The following PALLD variants were observed in gnomAD, a reference collection of about 807,000 sequenced individuals.
PALLD encodes palladin.
A neutral mutation model predicts 123.5 loss-of-function variants in PALLD; 61 were observed. The observed-to-expected ratio is 0.49, with a 90% CI of 0.40 to 0.61. The LOEUF (loss-of-function observed/expected upper bound fraction) is 0.61, where lower values mean the gene tolerates loss of function less well. PALLD is among the 20% of genes least tolerant of loss of function. The pLI, the probability that PALLD is intolerant of heterozygous loss-of-function variation, is 0.00. For synonymous variants in PALLD, 465 were observed against 496.4 expected (o/e 0.94, Z 0.84); for missense variants, 1,273 against 1,377.0 (o/e 0.92, Z 1.20).
chr4:168,629,337 T>C (rs551986801), intron 2 of PALLD, among the ~76,000 whole-genome samples: 62 of 151,792 alleles, frequency 4.1e-4, no homozygotes, highest in African/African-American at 1.3e-3. Flanking sequence ...TTTTAAGAAA[T>C]AAAGAAAAAG....
chr4:168,595,096 A>G (rs748034333), intron 2 of PALLD, among the ~76,000 whole-genome samples: 1 of 152,184 alleles, frequency 6.6e-6, no homozygotes. Flanking sequence ...TATGGATTAG[A>G]GAAATTGACT....
intron 10 of PALLD, among the ~76,000 whole-genome samples, chr4:168,814,845 A>G (rs1026684781): frequency 6.6e-6 from 1 of 152,182 alleles, no homozygotes; most frequent in Non-Finnish European, 1.5e-5. Flanking sequence ...ACCTCGGCTC[A>G]CTGCAACCTC....
chr4:168,511,886 C>T lies in PALLD; in HGVS notation c.382C>T (p.Leu128Phe), dbSNP rs560402989. ...GAGGAAACCTGCCATGTCACCCCTGCTCACCAGGCCCAGCTACATCCGGAG... is the reference window on the plus strand; with the variant it reads ...GAGGAAACCTGCCATGTCACCCCTGTTCACCAGGCCCAGCTACATCCGGAG... ...SKRKPAMSPL[L>F]TRPSYIRSLR... The change falls in exon 2 of 22, where the codon CTC becomes TTC. Residue 128 changes from leucine to phenylalanine, a missense_variant. Leu to Phe is a conservative substitution (Grantham distance 22). Transcript: ENST00000505667. 1 of 1,614,142 alleles carries T rather than the reference C, an allele frequency of 6.2e-7. No homozygotes were observed. The highest frequency in any genetic ancestry group is 1.3e-5 in the African/African-American group (1 of 75,026).
At chr4:168,639,978 T>G (rs1033018803) in intron 2 of PALLD, among the ~76,000 whole-genome samples, 4 of 152,192 alleles carry the variant, frequency 2.6e-5, no homozygotes, top group African/African-American at 9.7e-5. Flanking sequence ...TCATCTTTAT[T>G]TCTATCTGTT....
intron 10 of PALLD, among the ~76,000 whole-genome samples, chr4:168,747,332 G>C (rs1200193754): frequency 6.6e-6 from 1 of 152,204 alleles, no homozygotes; most frequent in East Asian, 1.9e-4. Context: ...TGCAGGCTAA[G>C]AGTCAGTTTT....
chr4:168,775,806 A>T (rs1735104195), intron 10 of PALLD, among the ~76,000 whole-genome samples: 1 of 152,142 alleles, frequency 6.6e-6, no homozygotes, highest in Non-Finnish European at 1.5e-5. Flanking sequence ...CTTTTCCTCC[A>T]CTAGATTGCC....
At chr4:168,625,244 C>T (rs142210232) in intron 2 of PALLD, among the ~76,000 whole-genome samples, 1 of 151,616 alleles carries the variant, frequency 6.6e-6, no homozygotes, top group East Asian at 1.9e-4. Flanking sequence ...AATATAATGT[C>T]CAGAAATAGA....
chr4:168,892,762 T>G (rs1754337543), intron 11 of PALLD, among the ~76,000 whole-genome samples: 1 of 152,088 alleles, frequency 6.6e-6, no homozygotes, highest in South Asian at 2.1e-4. Context: ...ATGTCAATGT[T>G]CCTTATGAAC....
intron 10 of PALLD, among the ~76,000 whole-genome samples, chr4:168,767,399 A>C (rs1448029604): frequency 1.3e-5 from 2 of 152,242 alleles, no homozygotes; most frequent in African/African-American, 4.8e-5. Context: ...AGTAATGTAG[A>C]AAGCTGAACA....
chr4:168,847,198 T>C (rs909226972), intron 10 of PALLD, among the ~76,000 whole-genome samples: 2 of 152,222 alleles, frequency 1.3e-5, no homozygotes, highest in Non-Finnish European at 2.9e-5. Context: ...CCCAATAATC[T>C]CATTTCTAGA....
chr4:168,678,271 A>G (rs563001770), intron 3 of PALLD, among the ~76,000 whole-genome samples: 39 of 152,092 alleles, frequency 2.6e-4, no homozygotes, highest in African/African-American at 8.2e-4. Context: ...GACATAATTC[A>G]CTTCTTAGTG....
At chr4:168,804,876 C>G (rs13129779) in intron 10 of PALLD, among the ~76,000 whole-genome samples, 2 of 151,906 alleles carry the variant, frequency 1.3e-5, no homozygotes, top group African/African-American at 4.8e-5. Context: ...GTTCCCAAAG[C>G]GAGGCCGGGT....
intron 10 of PALLD, among the ~76,000 whole-genome samples, chr4:168,890,432 G>C (rs940857867): frequency 5.9e-5 from 9 of 152,128 alleles, no homozygotes; most frequent in African/African-American, 2.2e-4. Context: ...AATGGGCTAG[G>C]CACTATTGTT....
At chr4:168,795,875 T>C (rs1480558685) in intron 10 of PALLD, among the ~76,000 whole-genome samples, 1 of 151,764 alleles carries the variant, frequency 6.6e-6, no homozygotes, top group Non-Finnish European at 1.5e-5. Flanking sequence ...CATCTGGCTA[T>C]TTTTTGTACT....
intron 8 of PALLD, among the ~76,000 whole-genome samples, chr4:168,705,518 C>T (rs555927375): frequency 2.6e-5 from 4 of 152,130 alleles, no homozygotes; most frequent in Admixed American, 6.5e-5. Context: ...AATTAGGAAC[C>T]GTTTGTTCTT....
At chr4:168,732,113 C>T (rs746823818) in intron 10 of PALLD, among the ~76,000 whole-genome samples, 1 of 152,176 alleles carries the variant, frequency 6.6e-6, no homozygotes, top group Non-Finnish European at 1.5e-5. Context: ...CTTCTGAATT[C>T]GCTGCATCTC....
intron 2 of PALLD, among the ~76,000 whole-genome samples, chr4:168,542,767 G>A (rs1392046445): frequency 9.6e-6 from 1 of 104,638 alleles, no homozygotes; most frequent in Non-Finnish European, 2.0e-5. Context: ...TATATATGGA[G>A]AGAAAGAGAG....
chr4:168,555,720 C>T (rs1352924181), intron 2 of PALLD, among the ~76,000 whole-genome samples: 3 of 152,226 alleles, frequency 2.0e-5, no homozygotes, highest in African/African-American at 4.8e-5. Flanking sequence ...AAGCATAACA[C>T]ATTTAGAAAC....
intron 1 of PALLD, among the ~76,000 whole-genome samples, chr4:168,500,030 G>T (rs1213662101): frequency 6.6e-6 from 1 of 152,186 alleles, no homozygotes; most frequent in East Asian, 1.9e-4. Flanking sequence ...CCCTGAGTCT[G>T]CCACTTTCTG....
Sources: allele counts gnomAD v4.1 joint callset (sites outside exome capture counted in the v4.1 genomes callset), GRCh38; gene constraint gnomAD v4.1.1; transcripts MANE v1.5; gene names NCBI Gene and HGNC (gene_info 2026-07-23, HGNC 2026-07-21).